The following ALK variants were observed in gnomAD, a reference collection of about 807,000 sequenced individuals.
The protein encoded by ALK is ALK tyrosine kinase receptor.
Under a neutral mutation model 163.1 loss-of-function variants are expected in ALK, and 74 were observed. The ratio of observed to expected loss-of-function variants is 0.45; its 90% CI spans 0.38 to 0.55. The LOEUF is 0.55. Among genes scored for constraint, ALK ranks in the 20% least tolerant of loss-of-function variants. The pLI is 0.00. For synonymous variants in ALK, 960 were observed against 843.2 expected (o/e 1.14, Z -2.40); for missense variants, 2,063 against 2,105.3 (o/e 0.98, Z 0.39).
intron 3 of ALK, among the ~76,000 whole-genome samples, chr2:29,538,991 AC>A (rs1485484835): frequency 5.9e-5 from 9 of 152,304 alleles, no homozygotes; most frequent in Non-Finnish European, 1.0e-4. Flanking sequence ...GACTCTTCTC[AC>A]TATAAAGATG....
At chr2:29,287,871 G>A (rs1324181538) in intron 9 of ALK, among the ~76,000 whole-genome samples, 1 of 152,034 alleles carries the variant, frequency 6.6e-6, no homozygotes, top group Non-Finnish European at 1.5e-5. Flanking sequence ...CCACCAACCA[G>A]CATGCTTATT....
rs1572471754 is a variant in ALK at position 29,888,492 on chromosome 2, T to C, written c.667+31501A>G. Among the ~76,000 whole-genome samples the C allele has an allele frequency of 2.0e-5, 3 of 152,162 alleles. No homozygotes were observed. In the South Asian group the frequency reaches 6.2e-4, roughly 32 times the overall value. ...TTTCCCTTTTTCCCATCGAAACAAGTGCAGATTTTGCCCTGTGTAGAATTT... is the reference window on the plus strand; with the variant it reads ...TTTCCCTTTTTCCCATCGAAACAAGCGCAGATTTTGCCCTGTGTAGAATTT... On this transcript the variant is annotated intron_variant, in intron 1 of 28. Transcript: ENST00000389048.
At position 29,218,123 on chromosome 2, in the gene ALK, G is replaced by A. The variant is rs116050738; in HGVS notation, c.3645+2583C>T. ...TTGGTGGCTCTAGAGGGCCACAATT[G>A]GACATTTGAAATCGGCCAAGGATCC... is the stretch of plus-strand genomic sequence containing the variant. On this transcript the variant is annotated intron_variant, in intron 23 of 28. Coordinates refer to ENST00000389048, the MANE Select transcript of ALK (RefSeq NM_004304.5). Among the ~76,000 whole-genome samples, 940 of 152,292 alleles carry A rather than the reference G, an allele frequency of 6.2e-3. 9 individuals are homozygous for A. Among genetic ancestry groups the A allele is most frequent in the African/African-American group, 0.021 (887 of 41,568 alleles).
rs112816509 is a variant in ALK, at chr2:29,512,144, C to A, written c.1154+19771G>T. The stretch of plus-strand genomic sequence containing the variant: ...AAAAGTTTTTTCTTACCCAAGTCTG[C>A]AATAATTTTCTCTTATGTTTTATTC... On this transcript the variant is annotated intron_variant, in intron 4 of 28. Transcript: ENST00000389048. 2.7e-3 allele frequency among the ~76,000 whole-genome samples: 411 copies of A among 152,242 alleles called. 1 individual carries two copies. The highest frequency in any genetic ancestry group is 9.5e-3 in the African/African-American group (396 of 41,552).
chr2:29,223,356 G>GT lies in ALK; in HGVS notation c.3344dup (p.Asn1115LysfsTer18). ...AGGGCGCTCACCGAATGAGGGTGATGTTTTTCCGCGGCACCTCCTTCAGGT... is the reference window on the plus strand; with the variant it reads ...AGGGCGCTCACCGAATGAGGGTGATGTTTTTTCCGCGGCACCTCCTTCAGGT... On this transcript the variant is annotated frameshift_variant, in exon 20 of 29. Transcript: ENST00000389048. LOFTEE classifies it high-confidence loss of function. The GT allele has an allele frequency of 6.2e-7, 1 of 1,614,134 alleles. No individual in the cohort carries two copies. The highest frequency in any genetic ancestry group is 8.5e-7 in the Non-Finnish European group (1 of 1,180,026).
At chr2:29,381,392 G>A (rs1280916538) in intron 5 of ALK, among the ~76,000 whole-genome samples, 1 of 152,260 alleles carries the variant, frequency 6.6e-6, no homozygotes, top group Non-Finnish European at 1.5e-5. Flanking sequence ...GTGTAAGGAT[G>A]TAGAGAGGAT....
At chr2:29,744,021 G>C (rs986219866) in intron 1 of ALK, among the ~76,000 whole-genome samples, 25 of 151,412 alleles carry the variant, frequency 1.7e-4, no homozygotes, top group African/African-American at 5.8e-4. Context: ...AGAGAACATT[G>C]GGTTTCCATG....
At chr2:29,533,018 AAACAATGGTGCAGATAAAAGAG>A (rs1323024057) in intron 3 of ALK, among the ~76,000 whole-genome samples, 24 of 152,226 alleles carry the variant, frequency 1.6e-4, no homozygotes, top group African/African-American at 5.3e-4. Context: ...AGCCTGCAAT[AAACAATGGTGCAGATAAAAGAG>A]GGGGATTCCT....
rs1678512933 is a variant in ALK, at chr2:29,695,006, A to C, written c.796T>G (p.Cys266Gly). Residue 266 changes from cysteine to glycine, a missense_variant, in exon 3 of 29, where the codon TGC (cysteine) becomes GGC (glycine). Coordinates refer to ENST00000389048, the MANE Select transcript of ALK (RefSeq NM_004304.5). ...LSHRSRYGLE[C>G]SFDFPCELEY... Reference sequence around the variant, plus strand: ...AGCTCACAGGGGAAGTCAAAGCTGCACTCCAGACCTGCAATAATAGCCAAG... The same window carrying C: ...AGCTCACAGGGGAAGTCAAAGCTGCCCTCCAGACCTGCAATAATAGCCAAG... The C allele has an allele frequency of 6.2e-7, 1 of 1,613,906 alleles. No individual in the cohort carries two copies.
At chr2:29,415,877 C>T (rs967416486) in intron 4 of ALK, among the ~76,000 whole-genome samples, 9 of 152,192 alleles carry the variant, frequency 5.9e-5, no homozygotes, top group Admixed American at 1.3e-4. Flanking sequence ...GACATCAGAG[C>T]TTTTGGTTTT....
chr2:29,833,728 C>G (rs971914017), intron 1 of ALK, among the ~76,000 whole-genome samples: 4 of 152,182 alleles, frequency 2.6e-5, no homozygotes, highest in Non-Finnish European at 5.9e-5. Flanking sequence ...CAAGGTGACA[C>G]CGTTCATAGG....
chr2:29,860,184 T>C (rs915530123), intron 1 of ALK, among the ~76,000 whole-genome samples: 1 of 152,062 alleles, frequency 6.6e-6, no homozygotes, highest in Non-Finnish European at 1.5e-5. Context: ...GGGGAAGAAA[T>C]TCTTAACGAT....
chr2:29,804,731 C>T (rs186452078), intron 1 of ALK, among the ~76,000 whole-genome samples: 92 of 152,306 alleles, frequency 6.0e-4, no homozygotes, highest in Non-Finnish European at 9.7e-4. Context: ...GTTTCTTAGA[C>T]CCATGTTGGG....
At chr2:29,319,217 G>A (rs1457276093) in intron 7 of ALK, 2 of 152,418 alleles carry the variant, frequency 1.3e-5, no homozygotes, top group East Asian at 3.9e-4. Flanking sequence ...AGGGTCTGCA[G>A]AGCATTTTGT....
At chr2:29,293,512 T>C (rs546701450) in intron 9 of ALK, among the ~76,000 whole-genome samples, 2 of 152,168 alleles carry the variant, frequency 1.3e-5, no homozygotes, top group African/African-American at 2.4e-5. Flanking sequence ...ATATAGAGTA[T>C]AGGTGTCTGG....
chr2:29,539,536 T>A (rs1206822340), intron 3 of ALK, among the ~76,000 whole-genome samples: 3 of 152,156 alleles, frequency 2.0e-5, no homozygotes, highest in Non-Finnish European at 2.9e-5. Context: ...AGGTTTGTAA[T>A]CAGCTACTGT....
chr2:29,260,686 T>G (rs932778624), intron 11 of ALK, among the ~76,000 whole-genome samples: 52 of 152,110 alleles, frequency 3.4e-4, no homozygotes, highest in African/African-American at 1.2e-3. Flanking sequence ...AATACAAATA[T>G]TAGCCAGGTA....
chr2:29,531,833 GATGTCACAGACTCTGGAA>G, intron 4 of ALK, 64 bp downstream of exon 4: 1 of 1,384,558 alleles, frequency 7.2e-7, no homozygotes, highest in Admixed American at 1.7e-5. Context: ...TTTGTAAGTA[GATGTCACAGACTCTGGAA>G]ATGTGTAACC....
intron 5 of ALK, among the ~76,000 whole-genome samples, chr2:29,353,252 T>C (rs1668162360): frequency 1.3e-5 from 2 of 152,184 alleles, no homozygotes; most frequent in African/African-American, 4.8e-5. Flanking sequence ...TGGCCCCATG[T>C]CCTCCATCAG....
Sources: allele counts gnomAD v4.1 joint callset (sites outside exome capture counted in the v4.1 genomes callset), GRCh38; gene constraint gnomAD v4.1.1; transcripts MANE v1.5; gene names NCBI Gene and HGNC (gene_info 2026-07-23, HGNC 2026-07-21).